Variants in CENPP observed in about 807,000 individuals in gnomAD.
CENPP encodes the protein centromere protein P.
Under a neutral mutation model 35.6 loss-of-function variants are expected in CENPP, and 24 were observed. That is an observed-to-expected ratio of 0.67 (90% CI 0.49 to 0.95). The LOEUF is 0.95. CENPP is among the 40% of genes least tolerant of loss of function. The pLI is 0.00. For synonymous variants in CENPP, 120 were observed against 125.5 expected (o/e 0.96, Z 0.29); for missense variants, 332 against 345.3 (o/e 0.96, Z 0.31).
intron 4 of CENPP, among the ~76,000 whole-genome samples, chr9:92,364,768 T>G (rs866148427): frequency 2.0e-5 from 3 of 152,240 alleles, no homozygotes; most frequent in Non-Finnish European, 2.9e-5. Context: ...TACAACCTAG[T>G]GTATGCACAA....
At chr9:92,331,099 ATCTC>A (rs1191746228) in intron 1 of CENPP, among the ~76,000 whole-genome samples, 4 of 152,220 alleles carry the variant, frequency 2.6e-5, no homozygotes, top group African/African-American at 9.6e-5. Context: ...TTTCCGATAA[ATCTC>A]TTTCTTACTA....
intron 5 of CENPP, among the ~76,000 whole-genome samples, chr9:92,481,453 C>T (rs1275114813): frequency 6.6e-6 from 1 of 152,164 alleles, no homozygotes; most frequent in Non-Finnish European, 1.5e-5. Flanking sequence ...AGTCCCTACA[C>T]CATGTGGCCA....
chr9:92,382,917 T>A (rs1259056938), intron 5 of CENPP, among the ~76,000 whole-genome samples: 4 of 106,960 alleles, frequency 3.7e-5, no homozygotes, highest in South Asian at 3.3e-4. Flanking sequence ...TTTTTTTTTT[T>A]AGACAGAGTC....
intron 5 of CENPP, among the ~76,000 whole-genome samples, chr9:92,524,456 C>T (rs181218349): frequency 7.2e-5 from 11 of 152,304 alleles, no homozygotes; most frequent in African/African-American, 2.2e-4. Flanking sequence ...CAAGGTGTTG[C>T]AGCAGCTGTC....
chr9:92,357,693 T>C (rs1841629190), intron 4 of CENPP, among the ~76,000 whole-genome samples: 1 of 152,020 alleles, frequency 6.6e-6, no homozygotes, highest in Non-Finnish European at 1.5e-5. Context: ...AGATGGTGTT[T>C]CTCCATGTTG....
intron 3 of CENPP, chr9:92,339,785 T>G (rs1238952145): frequency 2.0e-5 from 3 of 153,680 alleles, no homozygotes; most frequent in African/African-American, 7.2e-5. Context: ...CCAAATGGAT[T>G]GGTATCATTT....
chr9:92,389,787 C>G, intron 5 of CENPP: 1 of 1,048,742 alleles, frequency 9.5e-7, no homozygotes. Flanking sequence ...AATTCTAGAC[C>G]AAAGTTTCTC....
chr9:92,510,918 A>G (rs1302787494), intron 5 of CENPP, among the ~76,000 whole-genome samples: 14 of 152,204 alleles, frequency 9.2e-5, no homozygotes, highest in Non-Finnish European at 4.4e-5. Flanking sequence ...CCAGATAAGA[A>G]ACAGGAAATG....
intron 2 of CENPP, among the ~76,000 whole-genome samples, chr9:92,336,240 T>C (rs779850671): frequency 2.6e-5 from 4 of 152,224 alleles, no homozygotes; most frequent in Non-Finnish European, 5.9e-5. Context: ...GATGTTTTGT[T>C]CTTACCAGTA....
At chr9:92,338,613 T>G (rs1841007626) in intron 3 of CENPP, among the ~76,000 whole-genome samples, 3 of 140,756 alleles carry the variant, frequency 2.1e-5, no homozygotes, top group Non-Finnish European at 3.2e-5. Context: ...CATCTGTAGA[T>G]TTTTTTTTTT....
chr9:92,498,981 T>G lies in CENPP; in HGVS notation c.565-112333T>G, dbSNP rs570359361. Among the ~76,000 whole-genome samples the G allele has an allele frequency of 4.6e-4, 70 of 152,286 alleles. 1 individual carries two copies. The South Asian group carries it at 0.014, about 31-fold the overall frequency. ...GGCCTCAAAACAATAGCAACACAATTGAAAGGACCACGTCTCGTTCCCACT... is the reference window on the plus strand; with the variant it reads ...GGCCTCAAAACAATAGCAACACAATGGAAAGGACCACGTCTCGTTCCCACT... On this transcript the variant is annotated intron_variant, in intron 5 of 7. Transcript: ENST00000375587.
chr9:92,350,113 G>A (rs1418824941), intron 4 of CENPP, among the ~76,000 whole-genome samples: 1 of 152,142 alleles, frequency 6.6e-6, no homozygotes, highest in African/African-American at 2.4e-5. Context: ...GGAATTTATT[G>A]TTAGAATAAA....
intron 5 of CENPP, among the ~76,000 whole-genome samples, chr9:92,575,540 G>A (rs960683750): frequency 6.6e-5 from 10 of 152,062 alleles, no homozygotes; most frequent in South Asian, 2.1e-4. Context: ...CAGGCTGGGC[G>A]CGGTGGCTCA....
At chr9:92,474,495 C>G in intron 5 of CENPP, 1 of 1,356,400 alleles carries the variant, frequency 7.4e-7, no homozygotes, top group Non-Finnish European at 9.7e-7. Context: ...TACTTTCCAC[C>G]TAAAAACTTA....
At chr9:92,512,103 C>T (rs757702618) in intron 5 of CENPP, 2 of 1,613,656 alleles carry the variant, frequency 1.2e-6, no homozygotes, top group East Asian at 4.5e-5. Flanking sequence ...AATGCTTCAT[C>T]TGGGATGGAG....
intron 4 of CENPP, among the ~76,000 whole-genome samples, chr9:92,368,024 TA>T (rs1175372473): frequency 6.6e-6 from 1 of 152,262 alleles, no homozygotes; most frequent in Non-Finnish European, 1.5e-5. Flanking sequence ...TTGGTGATAC[TA>T]CACTGCATAC....
At chr9:92,425,303 T>G (rs1843935126) in intron 5 of CENPP, among the ~76,000 whole-genome samples, 1 of 152,230 alleles carries the variant, frequency 6.6e-6, no homozygotes, top group African/African-American at 2.4e-5. Flanking sequence ...AATTTGCCTG[T>G]TTTTACTATT....
intron 5 of CENPP, among the ~76,000 whole-genome samples, chr9:92,439,294 TAA>T: frequency 6.6e-6 from 1 of 152,116 alleles, no homozygotes; most frequent in South Asian, 2.1e-4. Context: ...CTTATTAGAA[TAA>T]GACTGCCCTC....
At chr9:92,360,265 C>T (rs7042335) in intron 4 of CENPP, among the ~76,000 whole-genome samples, 61,788 of 152,036 alleles carry the variant, frequency 0.41, 14,810 homozygotes, top group African/African-American at 0.66. Context: ...CAGTTATAGT[C>T]TTGTGGTCCT....
Sources: gnomAD v4.1 joint callset for allele counts (sites outside exome capture counted in the v4.1 genomes callset) on GRCh38, gnomAD v4.1.1 for gene constraint, MANE v1.5 for transcripts, NCBI Gene and HGNC (gene_info 2026-07-23, HGNC 2026-07-21) for gene names.